The following COL14A1 variants were observed in gnomAD, a reference collection of about 807,000 sequenced individuals.
The protein encoded by COL14A1 is collagen type XIV alpha 1 chain.
COL14A1 carries 136 observed loss-of-function variants against 230.3 expected under a neutral mutation model. The observed-to-expected ratio is 0.59, with a 90% confidence interval of 0.51 to 0.68. The LOEUF is 0.68. Among genes scored for constraint, COL14A1 ranks in the 30% least tolerant of loss-of-function variants. The pLI is 0.00. For missense variants in COL14A1, 1,976 were observed against 2,215.8 expected (o/e 0.89, Z 2.17); for synonymous variants, 792 against 784.1 (o/e 1.01, Z -0.17).
intron 44 of COL14A1, 80 bp downstream of exon 44, chr8:120,342,526 C>A (rs1237720408): frequency 1.5e-6 from 2 of 1,344,338 alleles, no homozygotes; most frequent in African/African-American, 2.9e-5. Flanking sequence ...CATGAGCGTA[C>A]CACTAAGGAA....
In COL14A1 at chr8:120,332,147, C is replaced by T; in HGVS notation, c.4666C>T (p.Pro1556Ser). 3 of 1,614,084 alleles carry T rather than the reference C, an allele frequency of 1.9e-6. No homozygotes were observed. Among genetic ancestry groups the T allele is most frequent in the Non-Finnish European group, 1.7e-6 (2 of 1,179,962 alleles). The change falls in exon 41 of 48, where the codon CCG (proline) becomes TCG (serine). Residue 1556 changes from proline (P) to serine (S), a missense_variant. Coordinates refer to ENST00000297848, the MANE Select transcript of COL14A1 (RefSeq NM_021110.4). Reference protein sequence around the residue: ...RDGSPGQRGLPGKDGSSGPPG... With the variant: ...RDGSPGQRGLSGKDGSSGPPG... ...CTGTGTTTCTTTTCGCCAGGGCCTTCCGGGAAAGGATGGATCCTCGGGACC... is the reference window on the plus strand; with the variant it reads ...CTGTGTTTCTTTTCGCCAGGGCCTTTCGGGAAAGGATGGATCCTCGGGACC...
intron 44 of COL14A1, among the ~76,000 whole-genome samples, chr8:120,344,558 TC>T (rs1822430278): frequency 6.6e-6 from 1 of 152,250 alleles, no homozygotes; most frequent in Non-Finnish European, 1.5e-5. Context: ...CAGGAGCGGA[TC>T]CCTACTTACA....
At chr8:120,278,943 A>G (rs1406901377) in intron 28 of COL14A1, among the ~76,000 whole-genome samples, 1 of 152,126 alleles carries the variant, frequency 6.6e-6, no homozygotes, top group African/African-American at 2.4e-5. Flanking sequence ...AATGTGGCAC[A>G]TATAAGCCAT....
intron 34 of COL14A1, among the ~76,000 whole-genome samples, chr8:120,294,471 A>G (rs1489383137): frequency 1.4e-5 from 2 of 143,644 alleles, no homozygotes; most frequent in Non-Finnish European, 3.1e-5. Context: ...TATCTTTTAT[A>G]ATTTTCAGTG....
intron 19 of COL14A1, among the ~76,000 whole-genome samples, chr8:120,234,341 A>T (rs1818372702): frequency 1.3e-5 from 2 of 152,152 alleles, no homozygotes; most frequent in African/African-American, 4.8e-5. Flanking sequence ...CAGAACCTCG[A>T]ATACTATGTT....
intron 14 of COL14A1, 41 bp downstream of exon 14, chr8:120,216,531 G>T (rs200096656): frequency 1.0e-5 from 16 of 1,581,050 alleles, no homozygotes; most frequent in Non-Finnish European, 1.3e-5. Flanking sequence ...AGGTAGTGGC[G>T]TGCTAGTTAT....
rs768290475 is a variant in COL14A1, at chr8:120,130,177, C to T, written c.-38+4837C>T. ...TTCACCAAGCACACTGTTAGTTCAA[C>T]GGAGATTATCATTATTTTTTCATAG... On this transcript the variant is annotated intron_variant, in intron 1 of 47. Transcript: ENST00000297848. 6.6e-5 allele frequency among the ~76,000 whole-genome samples: 10 copies of T among 152,170 alleles called. No homozygotes were observed. In the East Asian group the frequency reaches 1.5e-3, roughly 23 times the overall value.
At chr8:120,343,241 G>A (rs1048000685) in intron 44 of COL14A1, among the ~76,000 whole-genome samples, 12 of 152,112 alleles carry the variant, frequency 7.9e-5, no homozygotes, top group South Asian at 2.1e-4. Context: ...TCAGTTCCAG[G>A]AATATCTGAG....
intron 2 of COL14A1, among the ~76,000 whole-genome samples, chr8:120,152,097 T>C (rs1049529253): frequency 4.6e-5 from 7 of 152,170 alleles, no homozygotes; most frequent in African/African-American, 1.7e-4. Flanking sequence ...AACTGTAAGA[T>C]AGTACATGTC....
intron 5 of COL14A1, among the ~76,000 whole-genome samples, chr8:120,177,699 T>TATATAC (rs1816330088): frequency 1.4e-5 from 2 of 143,742 alleles, no homozygotes; most frequent in African/African-American, 5.1e-5. Flanking sequence ...AAAGACTATA[T>TATATAC]ATATATATAT....
intron 34 of COL14A1, among the ~76,000 whole-genome samples, chr8:120,297,161 G>T (rs1041863473): frequency 3.3e-5 from 5 of 151,812 alleles, no homozygotes; most frequent in African/African-American, 1.2e-4. Context: ...TATAGAGGAG[G>T]CATATGGAGT....
intron 36 of COL14A1, among the ~76,000 whole-genome samples, chr8:120,308,551 A>G (rs2130074348): frequency 6.6e-6 from 1 of 152,396 alleles, no homozygotes; most frequent in Non-Finnish European, 1.5e-5. Context: ...TTGTATAGAT[A>G]TAGATGCACA....
intron 5 of COL14A1, among the ~76,000 whole-genome samples, chr8:120,182,253 A>T (rs985523988): frequency 2.0e-4 from 30 of 152,130 alleles, no homozygotes; most frequent in Admixed American, 9.8e-4. Context: ...AGCTATGAGG[A>T]CTGATATTGA....
At chr8:120,274,752 A>C (rs1819786429) in intron 26 of COL14A1, among the ~76,000 whole-genome samples, 1 of 151,830 alleles carries the variant, frequency 6.6e-6, no homozygotes, top group Non-Finnish European at 1.5e-5. Context: ...ATAGCTGCAA[A>C]AAAAATAGAC....
chr8:120,333,823 C>T (rs1821953325), intron 42 of COL14A1, among the ~76,000 whole-genome samples: 1 of 152,206 alleles, frequency 6.6e-6, no homozygotes, highest in African/African-American at 2.4e-5. Context: ...ATCTTCAAAG[C>T]CAGCAATGTT....
chr8:120,280,118 GTACT>G lies in COL14A1; in HGVS notation c.3646+24_3646+27del. The G allele has an allele frequency of 1.2e-6, 2 of 1,613,172 alleles. No individual in the cohort carries two copies. The highest frequency in any genetic ancestry group is 1.7e-6 in the Non-Finnish European group (2 of 1,179,438). On this transcript the variant is annotated intron_variant, in intron 29 of 47. Coordinates refer to ENST00000297848, the MANE Select transcript of COL14A1 (RefSeq NM_021110.4). The stretch of plus-strand genomic sequence containing the variant: ...TCAGCAAGTTAGTTCTTTGGAATTT[GTACT>G]TACTCATGTTGCTTAACAGCTGAAA...
At chr8:120,141,418 T>C (rs890633787) in intron 1 of COL14A1, among the ~76,000 whole-genome samples, 2 of 151,938 alleles carry the variant, frequency 1.3e-5, no homozygotes, top group Non-Finnish European at 2.9e-5. Context: ...TGGTGGCACA[T>C]GCCTATAGTC....
intron 1 of COL14A1, among the ~76,000 whole-genome samples, chr8:120,137,080 A>G (rs1814739457): frequency 6.6e-6 from 1 of 151,824 alleles, no homozygotes; most frequent in Non-Finnish European, 1.5e-5. Context: ...TTGCTAGTGA[A>G]GCCATCTGGG....
At chr8:120,293,277 G>A (rs958661159) in intron 34 of COL14A1, among the ~76,000 whole-genome samples, 1 of 151,890 alleles carries the variant, frequency 6.6e-6, no homozygotes, top group Non-Finnish European at 1.5e-5. Context: ...TTTAGCCACT[G>A]AGTTACAGCT....
Sources: allele counts gnomAD v4.1 joint callset (sites outside exome capture counted in the v4.1 genomes callset), GRCh38; gene constraint gnomAD v4.1.1; transcripts MANE v1.5; gene names NCBI Gene and HGNC (gene_info 2026-07-23, HGNC 2026-07-21).